Variants in PANX1 observed in about 807,000 individuals in gnomAD.
PANX1 encodes the protein pannexin 1, also known as pannexin-1.
PANX1 carries 30 observed loss-of-function variants against 38.7 expected under a neutral mutation model. The ratio of observed to expected loss-of-function variants is 0.78; its 90% CI spans 0.58 to 1.05. The LOEUF is 1.05. Ranked by LOEUF, PANX1 falls within the 50% of genes least tolerant of loss-of-function variation. The pLI, the probability that PANX1 is intolerant of heterozygous loss-of-function variation, is 0.00. For synonymous variants in PANX1, 230 were observed against 212.2 expected (o/e 1.08, Z -0.73); for missense variants, 551 against 517.2 (o/e 1.07, Z -0.63).
chr11:94,173,897 C>T (rs189898576), intron 2 of PANX1, among the ~76,000 whole-genome samples: 1 of 151,806 alleles, frequency 6.6e-6, no homozygotes, highest in East Asian at 1.9e-4. Flanking sequence ...TGTATTTCCT[C>T]CTAGTTTTGG....
At chr11:94,145,859 G>C (rs992876839) in intron 1 of PANX1, among the ~76,000 whole-genome samples, 4 of 152,218 alleles carry the variant, frequency 2.6e-5, no homozygotes, top group Non-Finnish European at 5.9e-5. Flanking sequence ...ATGGGATGGG[G>C]GAAGATGAAG....
chr11:94,147,998 C>G (rs936373498), intron 1 of PANX1, among the ~76,000 whole-genome samples: 5 of 152,012 alleles, frequency 3.3e-5, no homozygotes, highest in Non-Finnish European at 7.4e-5. Context: ...CTGATGTGTT[C>G]TCTTTAAAAG....
intron 2 of PANX1, among the ~76,000 whole-genome samples, chr11:94,162,187 GTC>G (rs1336059007): frequency 6.6e-6 from 1 of 152,218 alleles, no homozygotes; most frequent in Non-Finnish European, 1.5e-5. Flanking sequence ...TGAGGAGGCA[GTC>G]TGTCCATTCT....
At chr11:94,133,546 T>C (rs1946654707) in intron 1 of PANX1, among the ~76,000 whole-genome samples, 1 of 151,982 alleles carries the variant, frequency 6.6e-6, no homozygotes, top group South Asian at 2.1e-4. Flanking sequence ...TTTGAAGGCT[T>C]TTGGACAGTG....
chr11:94,174,108 T>A (rs1947201547), intron 2 of PANX1, among the ~76,000 whole-genome samples: 1 of 151,438 alleles, frequency 6.6e-6, no homozygotes, highest in Admixed American at 6.6e-5. Flanking sequence ...TCATTTGGCC[T>A]TCTGATAAGG....
intron 2 of PANX1, among the ~76,000 whole-genome samples, chr11:94,171,481 G>C (rs192981967): frequency 6.6e-6 from 1 of 151,780 alleles, no homozygotes; most frequent in East Asian, 1.9e-4. Context: ...GTAGTCCATA[G>C]TGGGTGCTTG....
chr11:94,177,185 T>C (rs1485822290), intron 2 of PANX1, among the ~76,000 whole-genome samples: 2 of 151,150 alleles, frequency 1.3e-5, no homozygotes, highest in East Asian at 3.9e-4. Flanking sequence ...CAGGGTGAAC[T>C]TGGCGGTTCC....
At chr11:94,179,081 T>G (rs1016376655) in intron 3 of PANX1, among the ~76,000 whole-genome samples, 1 of 152,208 alleles carries the variant, frequency 6.6e-6, no homozygotes, top group South Asian at 2.1e-4. Flanking sequence ...TTTTTGAATA[T>G]TTAATATATC....
Position 94,129,172 on chromosome 11 carries a change from A to C in PANX1, c.-141A>C. 2 of 625,642 alleles carry C rather than the reference A, an allele frequency of 3.2e-6. No individual in the cohort carries two copies. Among genetic ancestry groups the C allele is most frequent in the East Asian group, 3.2e-5 (1 of 31,492 alleles). 38.8% of individuals were successfully genotyped at this position (625,642 alleles called of 1,614,324 possible). ...CGCTGGGAGCCTGAGGCACCGAGACACAAAGGCAGGCGGGATGCGGGAGCA... is the reference window on the plus strand; with the variant it reads ...CGCTGGGAGCCTGAGGCACCGAGACCCAAAGGCAGGCGGGATGCGGGAGCA... On this transcript the variant is annotated 5_prime_UTR_variant, in exon 1 of 5. Coordinates refer to ENST00000227638, the MANE Select transcript of PANX1 (RefSeq NM_015368.4).
At chr11:94,160,462 C>G (rs1947012984) in intron 2 of PANX1, among the ~76,000 whole-genome samples, 1 of 152,140 alleles carries the variant, frequency 6.6e-6, no homozygotes, top group South Asian at 2.1e-4. Flanking sequence ...TTGAATTGAT[C>G]CCTTTCACAT....
chr11:94,175,729 C>T (rs1258254496), intron 2 of PANX1: 5 of 984,106 alleles, frequency 5.1e-6, no homozygotes, highest in South Asian at 4.7e-5. Flanking sequence ...ATTAAATGAA[C>T]ATTCCTTCTC....
intron 2 of PANX1, among the ~76,000 whole-genome samples, chr11:94,161,037 A>G (rs1171429776): frequency 6.6e-6 from 1 of 152,218 alleles, no homozygotes; most frequent in African/African-American, 2.4e-5. Flanking sequence ...TTCTTTAAGA[A>G]TGTTGAATAT....
chr11:94,173,495 C>T (rs931834382), intron 2 of PANX1, among the ~76,000 whole-genome samples: 2 of 151,752 alleles, frequency 1.3e-5, no homozygotes, highest in East Asian at 3.9e-4. Context: ...CTCCCGTCTG[C>T]TCTGAATCTG....
intron 1 of PANX1, 24 bp from the exon 2 acceptor site, chr11:94,153,467 G>T (rs1009632362): frequency 6.8e-6 from 11 of 1,612,114 alleles, no homozygotes; most frequent in Non-Finnish European, 9.3e-6. Context: ...GTTTTCATTG[G>T]AAACTATCTG....
chr11:94,157,957 T>C (rs1201578885), intron 2 of PANX1, among the ~76,000 whole-genome samples: 6 of 152,200 alleles, frequency 3.9e-5, no homozygotes, highest in Admixed American at 3.3e-4. Flanking sequence ...CAGCTTTCTA[T>C]GTATAGCTAG....
intron 3 of PANX1, among the ~76,000 whole-genome samples, 166 bp from the exon 4 acceptor site, chr11:94,179,431 CCTTTT>C (rs1405783914): frequency 2.0e-5 from 3 of 152,158 alleles, no homozygotes; most frequent in Non-Finnish European, 4.4e-5. Context: ...TTTTATTATT[CCTTTT>C]CTTCCTCCTC....
intron 2 of PANX1, among the ~76,000 whole-genome samples, chr11:94,157,228 T>G (rs1946961258): frequency 6.6e-6 from 1 of 152,192 alleles, no homozygotes; most frequent in Non-Finnish European, 1.5e-5. Flanking sequence ...TTTATAATCC[T>G]TTGGGTATAT....
intron 1 of PANX1, among the ~76,000 whole-genome samples, chr11:94,146,606 C>G (rs1946831254): frequency 6.6e-6 from 1 of 152,200 alleles, no homozygotes; most frequent in Admixed American, 6.5e-5. Context: ...GACCCACAGC[C>G]CTTCCTCGGG....
intron 2 of PANX1, among the ~76,000 whole-genome samples, chr11:94,161,306 A>G (rs1947029877): frequency 6.6e-6 from 1 of 152,202 alleles, no homozygotes; most frequent in Admixed American, 6.5e-5. Context: ...CCTGGATAAT[A>G]TCCTGCAGAG....
Sources: allele counts gnomAD v4.1 joint callset (sites outside exome capture counted in the v4.1 genomes callset), GRCh38; gene constraint gnomAD v4.1.1; transcripts MANE v1.5; gene names NCBI Gene and HGNC (gene_info 2026-07-23, HGNC 2026-07-21).